Variants in MALRD1 observed in about 807,000 individuals in gnomAD.
The protein encoded by MALRD1 is MAM and LDL-receptor class A domain-containing protein 1.
In MALRD1, 247 loss-of-function variants were observed where a neutral mutation model predicts 242.1. The ratio of observed to expected loss-of-function variants is 1.02; its 90% CI spans 0.92 to 1.13. The LOEUF (loss-of-function observed/expected upper bound fraction) is 1.13. MALRD1 is among the 50% of genes most tolerant of loss of function. The pLI is 0.00. For synonymous variants in MALRD1, 995 were observed against 866.6 expected (o/e 1.15, Z -2.60); for missense variants, 2,989 against 2,533.1 (o/e 1.18, Z -3.86).
chr10:19,235,586 G>C lies in MALRD1; in HGVS notation c.2992-22098G>C, dbSNP rs1285333772. Among the ~76,000 whole-genome samples, 4 of 76,260 alleles carry C rather than the reference G, an allele frequency of 5.2e-5. No individual in the cohort carries two copies. The Admixed American group carries it at 5.7e-4, about 11-fold the overall frequency. 50.0% of individuals were successfully genotyped at this position (76,260 alleles called of 152,430 possible). A position where few individuals can be genotyped will look rare whatever the true frequency, so the allele number is the denominator to read the frequency against. On this transcript the variant is annotated intron_variant, in intron 18 of 39. Coordinates refer to ENST00000454679, the MANE Select transcript of MALRD1 (RefSeq NM_001142308.3). ...ACCCACACCCACACCCACAGAGAGAGAGAGAGAGAGAGAGAGAGAGAGAGA... is the reference window on the plus strand; with the variant it reads ...ACCCACACCCACACCCACAGAGAGACAGAGAGAGAGAGAGAGAGAGAGAGA...
intron 14 of MALRD1, among the ~76,000 whole-genome samples, chr10:19,181,833 A>G (rs1398807014): frequency 1.3e-5 from 2 of 152,186 alleles, no homozygotes; most frequent in Admixed American, 6.5e-5. Flanking sequence ...CTTATGCTGT[A>G]TATCTTTAAT....
chr10:19,414,687 G>A (rs1833433823), intron 28 of MALRD1, among the ~76,000 whole-genome samples: 1 of 152,164 alleles, frequency 6.6e-6, no homozygotes, highest in South Asian at 2.1e-4. Flanking sequence ...TGTAGGGGAA[G>A]GGAAAGGAGG....
intron 36 of MALRD1, among the ~76,000 whole-genome samples, chr10:19,657,757 AC>A (rs1227041316): frequency 6.6e-6 from 1 of 152,160 alleles, no homozygotes; most frequent in Non-Finnish European, 1.5e-5. Context: ...CTATAGCCTC[AC>A]AGGGTTTTTT....
At chr10:19,367,990 C>T (rs1845179274) in intron 26 of MALRD1, among the ~76,000 whole-genome samples, 1 of 151,814 alleles carries the variant, frequency 6.6e-6, no homozygotes, top group South Asian at 2.1e-4. Context: ...ATATGTTTTC[C>T]TCATATATTC....
At chr10:19,050,688 A>G (rs1216545089) in intron 1 of MALRD1, among the ~76,000 whole-genome samples, 1 of 152,168 alleles carries the variant, frequency 6.6e-6, no homozygotes, top group Non-Finnish European at 1.5e-5. Context: ...CAATTTCCCC[A>G]GAGACGCTAA....
intron 14 of MALRD1, among the ~76,000 whole-genome samples, chr10:19,193,296 C>A (rs1213204567): frequency 1.3e-5 from 2 of 152,132 alleles, no homozygotes; most frequent in Non-Finnish European, 2.9e-5. Flanking sequence ...TGGCTCACAC[C>A]TGTAATCTCA....
At chr10:19,640,614 A>G (rs1840341700) in intron 36 of MALRD1, among the ~76,000 whole-genome samples, 1 of 152,198 alleles carries the variant, frequency 6.6e-6, no homozygotes, top group Non-Finnish European at 1.5e-5. Flanking sequence ...TATTTTATGG[A>G]GTCTCCTAGC....
At position 19,523,832 on chromosome 10, in the gene MALRD1, C is replaced by T. The variant is rs185405466; in HGVS notation, c.5321-7362C>T. On this transcript the variant is annotated intron_variant, in intron 31 of 39. Transcript: ENST00000454679. Reference sequence around the variant, plus strand: ...TCAGATTAATGCATACTGCGGGGGGCGCATGGGGGGAGTTTATAATATTGA... The same window carrying T: ...TCAGATTAATGCATACTGCGGGGGGTGCATGGGGGGAGTTTATAATATTGA... 3.0e-3 allele frequency among the ~76,000 whole-genome samples: 446 copies of T among 149,816 alleles called. 4 individuals are homozygous for T. The highest frequency in any genetic ancestry group is 2.5e-3 in the African/African-American group (99 of 40,292).
At chr10:19,539,345 T>C (rs993010670) in intron 32 of MALRD1, among the ~76,000 whole-genome samples, 15 of 152,294 alleles carry the variant, frequency 9.8e-5, no homozygotes, top group African/African-American at 3.6e-4. Context: ...ATAACTACTA[T>C]GCTTTTCTGC....
At chr10:19,651,459 G>A (rs1291686431) in intron 36 of MALRD1, among the ~76,000 whole-genome samples, 1 of 152,122 alleles carries the variant, frequency 6.6e-6, no homozygotes, top group East Asian at 1.9e-4. Context: ...TTTAAAAGAA[G>A]GCCATTATTT....
chr10:19,148,780 A>ATATATATATATATATAT (rs1554797928), intron 11 of MALRD1, among the ~76,000 whole-genome samples: 2 of 72,128 alleles, frequency 2.8e-5, no homozygotes, highest in African/African-American at 1.0e-4. Context: ...AATTAAAAAA[A>ATATATATATATATATAT]AAAAAAAAAT....
intron 33 of MALRD1, among the ~76,000 whole-genome samples, chr10:19,574,197 C>T (rs1366641053): frequency 6.6e-6 from 1 of 152,142 alleles, no homozygotes; most frequent in Non-Finnish European, 1.5e-5. Context: ...GCTTGAATAG[C>T]AAGTCCAAGT....
intron 36 of MALRD1, among the ~76,000 whole-genome samples, chr10:19,665,975 G>T (rs1436349451): frequency 6.6e-6 from 1 of 151,822 alleles, no homozygotes; most frequent in East Asian, 1.9e-4. Context: ...GTGCAAGCTG[G>T]TTATATGTTC....
intron 36 of MALRD1, among the ~76,000 whole-genome samples, chr10:19,649,427 A>C (rs888188253): frequency 1.3e-5 from 2 of 152,326 alleles, no homozygotes; most frequent in African/African-American, 4.8e-5. Flanking sequence ...AATAATAACC[A>C]TTTGGACAGG....
chr10:19,086,725 T>C (rs1835680310), intron 2 of MALRD1, among the ~76,000 whole-genome samples: 1 of 152,056 alleles, frequency 6.6e-6, no homozygotes, highest in African/African-American at 2.4e-5. Flanking sequence ...CAGAAACAGG[T>C]TTATTTTAAA....
intron 2 of MALRD1, among the ~76,000 whole-genome samples, chr10:19,071,175 G>C (rs530898178): frequency 3.2e-4 from 49 of 152,100 alleles, no homozygotes; most frequent in Admixed American, 1.0e-3. Context: ...TTTGCATGCT[G>C]TGGGCAGCAG....
chr10:19,156,462 G>GTT (rs36080909), intron 12 of MALRD1, among the ~76,000 whole-genome samples: 3,851 of 126,516 alleles, frequency 0.03, 81 homozygotes, highest in Middle Eastern at 0.057. Context: ...GATATAGAGC[G>GTT]TTTTTTTTTT....
chr10:19,047,923 G>T (rs557248204), upstream of MALRD1, among the ~76,000 whole-genome samples: 45 of 152,204 alleles, frequency 3.0e-4, no homozygotes, highest in African/African-American at 1.1e-3. Flanking sequence ...AAATAAAATA[G>T]TTGAAAAAGA....
intron 10 of MALRD1, among the ~76,000 whole-genome samples, chr10:19,143,607 G>A (rs1270820855): frequency 6.6e-6 from 1 of 152,220 alleles, no homozygotes; most frequent in African/African-American, 2.4e-5. Flanking sequence ...GGCCAGGCAA[G>A]ACATGTGGTC....
Sources: gnomAD v4.1 joint callset for allele counts (sites outside exome capture counted in the v4.1 genomes callset) on GRCh38, gnomAD v4.1.1 for gene constraint, MANE v1.5 for transcripts, NCBI Gene and HGNC (gene_info 2026-07-23, HGNC 2026-07-21) for gene names.